TTC28: variants seen among roughly 807,000 people sequenced by gnomAD.
TTC28 encodes the protein tetratricopeptide repeat domain 28.
Under a neutral mutation model 198.0 loss-of-function variants are expected in TTC28, and 61 were observed. The ratio of observed to expected loss-of-function variants is 0.31; its 90% CI spans 0.25 to 0.38. TTC28 has a LOEUF of 0.38. TTC28 is among the 10% of genes least tolerant of loss of function. The probability of loss-of-function intolerance (pLI) is 1.00; values close to 1 mark genes in which losing one functional copy is unlikely to be tolerated. For missense variants in TTC28, 2,678 were observed against 3,164.0 expected (o/e 0.85, Z 3.69); for synonymous variants, 1,171 against 1,297.8 (o/e 0.90, Z 2.10).
chr22:28,205,774 C>T (rs1023099577), intron 5 of TTC28, among the ~76,000 whole-genome samples: 1 of 152,020 alleles, frequency 6.6e-6, no homozygotes. Context: ...TTTCCCCGTC[C>T]ATGAATTCCT....
chr22:28,675,758 C>T (rs2051975073), intron 1 of TTC28, among the ~76,000 whole-genome samples: 1 of 151,464 alleles, frequency 6.6e-6, no homozygotes, highest in South Asian at 2.1e-4. Context: ...CACACACACA[C>T]ACACACACAC....
intron 2 of TTC28, among the ~76,000 whole-genome samples, chr22:28,521,270 T>C (rs1437082370): frequency 6.6e-6 from 1 of 151,104 alleles, no homozygotes; most frequent in Non-Finnish European, 1.5e-5. Flanking sequence ...TAACTGGGCA[T>C]GGTAGTGTAC....
intron 5 of TTC28, among the ~76,000 whole-genome samples, chr22:28,191,028 C>T (rs1479043812): frequency 6.6e-6 from 1 of 152,146 alleles, no homozygotes; most frequent in Non-Finnish European, 1.5e-5. Flanking sequence ...TGGCAAATAA[C>T]GATTTTCACA....
intron 12 of TTC28, among the ~76,000 whole-genome samples, chr22:28,051,900 G>C (rs1349801935): frequency 6.6e-6 from 1 of 152,116 alleles, no homozygotes; most frequent in Non-Finnish European, 1.5e-5. Flanking sequence ...GGCTTGGTGG[G>C]CACTTCTGAT....
intron 5 of TTC28, among the ~76,000 whole-genome samples, chr22:28,193,347 G>C (rs896707746): frequency 6.6e-6 from 1 of 152,166 alleles, no homozygotes; most frequent in Non-Finnish European, 1.5e-5. Flanking sequence ...AAATTGTAAA[G>C]ACCATTGATG....
chr22:28,090,377 C>T (rs1001727150), intron 12 of TTC28, among the ~76,000 whole-genome samples: 35 of 151,976 alleles, frequency 2.3e-4, no homozygotes, highest in African/African-American at 8.2e-4. Flanking sequence ...AAACATTTGG[C>T]TATTTGATTA....
At chr22:28,027,155 C>T (rs1049621200) in intron 13 of TTC28, among the ~76,000 whole-genome samples, 1 of 152,166 alleles carries the variant, frequency 6.6e-6, no homozygotes, top group African/African-American at 2.4e-5. Context: ...TACATACATT[C>T]CCACAGAACC....
At chr22:28,476,310 C>A (rs1209347771) in intron 2 of TTC28, among the ~76,000 whole-genome samples, 1 of 151,918 alleles carries the variant, frequency 6.6e-6, no homozygotes, top group Non-Finnish European at 1.5e-5. Flanking sequence ...ATTCATTTTC[C>A]CCTTATGTAT....
chr22:28,169,431 A>T lies in TTC28; in HGVS notation c.934-5832T>A, dbSNP rs568731553. Among the ~76,000 whole-genome samples the T allele has an allele frequency of 3.3e-3, 500 of 152,328 alleles. 1 individual carries two copies. Among genetic ancestry groups the T allele is most frequent in the Non-Finnish European group, 5.9e-3 (400 of 68,018 alleles). ...GACTTGGAACCAACCCAAATGTCCA[A>T]CAATGATAGACTGGATTAAGAAAAT... is the stretch of plus-strand genomic sequence containing the variant. On this transcript the variant is annotated intron_variant, in intron 5 of 22. Transcript: ENST00000397906.
At chr22:28,628,095 T>C (rs953181911) in intron 2 of TTC28, among the ~76,000 whole-genome samples, 5 of 151,706 alleles carry the variant, frequency 3.3e-5, no homozygotes, top group Admixed American at 1.3e-4. Flanking sequence ...TTGTAGAGAC[T>C]ATGTTGCCTA....
chr22:28,293,192 AT>A (rs2044820422), intron 5 of TTC28, among the ~76,000 whole-genome samples: 1 of 152,200 alleles, frequency 6.6e-6, no homozygotes, highest in East Asian at 1.9e-4. Flanking sequence ...TAACCAAGAT[AT>A]GGAAACAACC....
intron 5 of TTC28, among the ~76,000 whole-genome samples, chr22:28,274,923 G>C (rs1483928279): frequency 2.7e-5 from 4 of 145,938 alleles, no homozygotes; most frequent in Non-Finnish European, 6.0e-5. Flanking sequence ...AGGTTGCAGT[G>C]AGCTGAGATC....
chr22:28,020,774 C>T (rs1938559466), intron 13 of TTC28, among the ~76,000 whole-genome samples: 1 of 144,336 alleles, frequency 6.9e-6, no homozygotes, highest in South Asian at 2.3e-4. Flanking sequence ...AGTCCCCCTC[C>T]CCCAACACAC....
chr22:28,084,837 C>G (rs950156803), intron 12 of TTC28, among the ~76,000 whole-genome samples: 7 of 152,076 alleles, frequency 4.6e-5, no homozygotes, highest in Admixed American at 3.9e-4. Context: ...GAGCTGAAAA[C>G]CATGGCATGA....
At chr22:28,419,601 GATGCTAA>G in intron 2 of TTC28, among the ~76,000 whole-genome samples, 1 of 152,198 alleles carries the variant, frequency 6.6e-6, no homozygotes, top group Middle Eastern at 3.2e-3. Context: ...GAAAGCATAT[GATGCTAA>G]ACAGCCTATC....
intron 2 of TTC28, among the ~76,000 whole-genome samples, chr22:28,343,523 C>G (rs2045864072): frequency 1.7e-5 from 2 of 114,334 alleles, no homozygotes; most frequent in Admixed American, 2.1e-4. Context: ...GAGTGAGACT[C>G]TGTCTCAAAA....
At chr22:28,047,928 T>C (rs1384869365) in intron 12 of TTC28, among the ~76,000 whole-genome samples, 1 of 152,178 alleles carries the variant, frequency 6.6e-6, no homozygotes, top group Non-Finnish European at 1.5e-5. Context: ...CCTTGTCCTC[T>C]TCCTGGATCC....
At chr22:28,374,020 T>C (rs973841334) in intron 2 of TTC28, among the ~76,000 whole-genome samples, 15 of 152,240 alleles carry the variant, frequency 9.9e-5, no homozygotes, top group Non-Finnish European at 1.5e-4. Flanking sequence ...TAAGTAACTA[T>C]ACTTAGTCAT....
chr22:28,245,573 T>C (rs911453408), intron 5 of TTC28, among the ~76,000 whole-genome samples: 1 of 152,230 alleles, frequency 6.6e-6, no homozygotes, highest in African/African-American at 2.4e-5. Context: ...CATTTCACTA[T>C]ACTGCAAACT....
Sources: gnomAD v4.1 joint callset for allele counts (sites outside exome capture counted in the v4.1 genomes callset) on GRCh38, gnomAD v4.1.1 for gene constraint, MANE v1.5 for transcripts, NCBI Gene and HGNC (gene_info 2026-07-23, HGNC 2026-07-21) for gene names.